Variants in JAM3 observed in about 807,000 individuals in gnomAD.
JAM3 encodes the protein junctional adhesion molecule 3.
A neutral mutation model predicts 39.4 loss-of-function variants in JAM3; 31 were observed. That is an observed-to-expected ratio of 0.79 (90% CI 0.59 to 1.06). The LOEUF (loss-of-function observed/expected upper bound fraction) is 1.06, where lower values mean the gene tolerates loss of function less well. Among genes scored for constraint, JAM3 ranks in the 50% least tolerant of loss-of-function variants. The probability of loss-of-function intolerance (pLI) is 0.00; values close to 1 mark genes in which losing one functional copy is unlikely to be tolerated. For synonymous variants in JAM3, 182 were observed against 148.7 expected, an observed-to-expected ratio of 1.22 and a Z score of -1.63; for missense variants, 455 against 391.4, an observed-to-expected ratio of 1.16 and a Z score of -1.37.
At position 134,149,903 on chromosome 11, in the gene JAM3, CTT is replaced by C. The variant is rs1038050826; in HGVS notation, c.*723_*724del. 5.5e-6 allele frequency: 1 copy of C among 180,846 alleles called. No individual in the cohort carries two copies. Among genetic ancestry groups the C allele is most frequent in the African/African-American group, 2.4e-5 (1 of 41,850 alleles). 11.2% of individuals were successfully genotyped at this position (180,846 alleles called of 1,614,324 possible). A position where few individuals can be genotyped will look rare whatever the true frequency, so the allele number is the denominator to read the frequency against. On this transcript the variant is annotated 3_prime_UTR_variant, in exon 9 of 9. Coordinates refer to ENST00000299106, the MANE Select transcript of JAM3 (RefSeq NM_032801.5). ...TACTGAAATATGCTTTTCTATGGGT[CTT>C]GTTTATTTTATAAAATTTTACATCT...
intron 5 of JAM3, chr11:134,145,329 T>G: frequency 2.3e-6 from 1 of 428,976 alleles, no homozygotes; most frequent in Non-Finnish European, 4.3e-6. Flanking sequence ...GATGATCTAT[T>G]AAGCAACTGT....
At chr11:134,130,881 A>C (rs561280341) in intron 1 of JAM3, among the ~76,000 whole-genome samples, 1 of 152,318 alleles carries the variant, frequency 6.6e-6, no homozygotes, top group East Asian at 1.9e-4. Flanking sequence ...TCAGGGAAGC[A>C]GGCAGTAAAA....
chr11:134,105,378 C>A (rs1277549813), intron 1 of JAM3, among the ~76,000 whole-genome samples: 1 of 152,122 alleles, frequency 6.6e-6, no homozygotes, highest in Non-Finnish European at 1.5e-5. Flanking sequence ...TTATTTATGA[C>A]AAACCCACAG....
At chr11:134,145,073 A>G in intron 5 of JAM3, 79 bp downstream of exon 5, 1 of 1,206,720 alleles carries the variant, frequency 8.3e-7, no homozygotes, top group Non-Finnish European at 1.2e-6. Context: ...GAAGATTAGG[A>G]GAGATACTGA....
intron 1 of JAM3, among the ~76,000 whole-genome samples, chr11:134,104,554 A>G (rs967046263): frequency 9.2e-5 from 14 of 152,140 alleles, no homozygotes; most frequent in South Asian, 8.3e-4. Context: ...CTTCAAAAAA[A>G]TCAATGAATC....
rs11223714 is a variant in JAM3 at position 134,146,116 on chromosome 11, T to C, written c.712+71T>C. The C allele has an allele frequency of 0.14, 146,732 of 1,057,048 alleles. 11,107 individuals are homozygous for C. The highest frequency in any genetic ancestry group is 0.22 in the African/African-American group (14,280 of 63,570). 65.5% of individuals were successfully genotyped at this position (1,057,048 alleles called of 1,614,324 possible). A position where few individuals can be genotyped will look rare whatever the true frequency, so the allele number is the denominator to read the frequency against. On this transcript the variant is annotated intron_variant, in intron 6 of 8. Coordinates refer to ENST00000299106, the MANE Select transcript of JAM3 (RefSeq NM_032801.5). ...AATAGAACATTTTAATTTAATATTA[T>C]ACCATCAGCTTAGAGAACTCTTCCG...
At position 134,144,350 on chromosome 11, in the gene JAM3, C is replaced by A; in HGVS notation, c.366C>A (p.Asp122Glu). ...GCTGTGAGGTCGTTGCTCGAAATGA[C>A]CGCAAGGAAATTGATGAGATTGTGA... ...LYRCEVVARN[D>E]RKEIDEIVIE... Residue 122 changes from aspartate to glutamate, a missense_variant, in exon 4 of 9, where the codon GAC (aspartate) becomes GAA (glutamate). By Grantham distance (45) the Asp-to-Glu change is conservative. Coordinates refer to ENST00000299106, the MANE Select transcript of JAM3 (RefSeq NM_032801.5). The A allele has an allele frequency of 6.2e-7, 1 of 1,614,212 alleles. No homozygotes were observed. The highest frequency in any genetic ancestry group is 8.5e-7 in the Non-Finnish European group (1 of 1,180,044).
chr11:134,093,710 T>C (rs1941920217), intron 1 of JAM3, among the ~76,000 whole-genome samples: 1 of 113,122 alleles, frequency 8.8e-6, no homozygotes, highest in African/African-American at 3.4e-5. Flanking sequence ...ACATGTCACT[T>C]CCTGAGGGAA....
intron 1 of JAM3, among the ~76,000 whole-genome samples, chr11:134,103,745 C>A (rs1942124729): frequency 1.3e-5 from 2 of 152,048 alleles, no homozygotes; most frequent in Non-Finnish European, 1.5e-5. Flanking sequence ...TTTAAACCAA[C>A]AAAGATGAAA....
intron 1 of JAM3, among the ~76,000 whole-genome samples, chr11:134,072,891 C>T (rs776017138): frequency 5.3e-5 from 8 of 151,924 alleles, no homozygotes; most frequent in Admixed American, 6.5e-5. Flanking sequence ...GCCTGGGGTA[C>T]AAGAGTGAAA....
chr11:134,111,991 CAAGG>C (rs1942320768), intron 1 of JAM3, among the ~76,000 whole-genome samples: 2 of 152,214 alleles, frequency 1.3e-5, no homozygotes, highest in Admixed American at 1.3e-4. Context: ...TTTTTAAAAT[CAAGG>C]AAGACAGTGG....
intron 1 of JAM3, among the ~76,000 whole-genome samples, chr11:134,095,441 C>A (rs926867355): frequency 3.3e-5 from 5 of 151,972 alleles, no homozygotes; most frequent in Admixed American, 2.6e-4. Context: ...ACCATCCTGG[C>A]CAACATGGTG....
chr11:134,117,594 A>G (rs970664050), intron 1 of JAM3, among the ~76,000 whole-genome samples: 1 of 152,168 alleles, frequency 6.6e-6, no homozygotes, highest in African/African-American at 2.4e-5. Flanking sequence ...GGAATATTTT[A>G]TAGCATATTT....
intron 6 of JAM3, among the ~76,000 whole-genome samples, chr11:134,146,856 T>C (rs546061500): frequency 5.9e-5 from 9 of 152,332 alleles, no homozygotes; most frequent in African/African-American, 2.2e-4. Flanking sequence ...CATGAGCCAC[T>C]GTGCCCAGCC....
chr11:134,149,813 C>G lies in JAM3; in HGVS notation c.*632C>G. The G allele has an allele frequency of 2.7e-6, 1 of 375,134 alleles. No individual in the cohort carries two copies. Among genetic ancestry groups the G allele is most frequent in the Middle Eastern group, 3.9e-4 (1 of 2,578 alleles). 23.2% of individuals were successfully genotyped at this position (375,134 alleles called of 1,614,324 possible). On this transcript the variant is annotated 3_prime_UTR_variant, in exon 9 of 9. Coordinates refer to ENST00000299106, the MANE Select transcript of JAM3 (RefSeq NM_032801.5). ...GGAAGAGGGATCTTGCCTGAGGAAC[C>G]CTGCTTGTCCAACAGGGTGTCAGGA... is the stretch of plus-strand genomic sequence containing the variant.
At chr11:134,145,814 G>A in intron 5 of JAM3, 132 bp from the exon 6 acceptor site, 3 of 736,146 alleles carry the variant, frequency 4.1e-6, no homozygotes, top group South Asian at 1.4e-5. Context: ...GGTCAGGGAG[G>A]AACATGCACA....
chr11:134,080,510 G>A (rs1030890822), intron 1 of JAM3, among the ~76,000 whole-genome samples: 1 of 152,122 alleles, frequency 6.6e-6, no homozygotes. Flanking sequence ...GTGATCGTTA[G>A]TAAGTCTCTT....
chr11:134,106,473 C>T (rs1242441386), intron 1 of JAM3, among the ~76,000 whole-genome samples: 1 of 152,140 alleles, frequency 6.6e-6, no homozygotes, highest in Non-Finnish European at 1.5e-5. Context: ...AAAGCAATGG[C>T]AACAAAAGCC....
chr11:134,136,517 G>A (rs920041536), intron 1 of JAM3, among the ~76,000 whole-genome samples: 1 of 152,212 alleles, frequency 6.6e-6, no homozygotes, highest in African/African-American at 2.4e-5. Flanking sequence ...GAGCTCTAGA[G>A]TATTAGTAAA....
Sources: allele counts gnomAD v4.1 joint callset (sites outside exome capture counted in the v4.1 genomes callset), GRCh38; gene constraint gnomAD v4.1.1; transcripts MANE v1.5; gene names NCBI Gene and HGNC (gene_info 2026-07-23, HGNC 2026-07-21).